Variants in FKTN observed in about 807,000 individuals in gnomAD.
FKTN encodes the protein ribitol-5-phosphate transferase FKTN.
In FKTN, 47 loss-of-function variants were observed where a neutral mutation model predicts 58.6. That is an observed-to-expected ratio of 0.80 (90% CI 0.63 to 1.02). FKTN has a LOEUF of 1.02. FKTN is among the 50% of genes least tolerant of loss of function. The pLI, the probability that FKTN is intolerant of heterozygous loss-of-function variation, is 0.00. For missense variants in FKTN, 516 were observed against 537.3 expected (o/e 0.96, Z 0.39); for synonymous variants, 178 against 191.9 (o/e 0.93, Z 0.60).
chr9:105,569,808 A>G (rs1301679446), intron 1 of FKTN, among the ~76,000 whole-genome samples: 1 of 152,150 alleles, frequency 6.6e-6, no homozygotes, highest in African/African-American at 2.4e-5. Context: ...TTTTTCCCTG[A>G]AAACATTTGT....
chr9:105,581,863 C>T lies in FKTN; in HGVS notation c.105+6726C>T, dbSNP rs148263611. Reference sequence around the variant, plus strand: ...CTCCGAGCCAGGTGTGGGATATAGTCTCGTGGTGCACTGTTTTTTAAGCCG... The same window carrying T: ...CTCCGAGCCAGGTGTGGGATATAGTTTCGTGGTGCACTGTTTTTTAAGCCG... On this transcript the variant is annotated intron_variant, in intron 3 of 10. Transcript: ENST00000357998. Among the ~76,000 whole-genome samples, 1,137 of 152,332 alleles carry T rather than the reference C, an allele frequency of 7.5e-3. 6 individuals carry two copies. Among genetic ancestry groups the T allele is most frequent in the Non-Finnish European group, 0.011 (722 of 68,042 alleles).
Position 105,609,692 on chromosome 9 carries a change from G to A in FKTN, c.780+1741G>A, listed in dbSNP as rs141240168. Among the ~76,000 whole-genome samples, 55 of 152,222 alleles carry A rather than the reference G, an allele frequency of 3.6e-4. No homozygotes were observed. In the East Asian group the frequency reaches 8.9e-3, roughly 25 times the overall value. On this transcript the variant is annotated intron_variant, in intron 7 of 10. Coordinates refer to ENST00000357998, the MANE Select transcript of FKTN (RefSeq NM_001079802.2). ...AGTGTCCCTCATTTGGGGTTTGTCC[G>A]GGGGTTCCTCATGTTAGATTTAGGT...
chr9:105,570,452 A>G (rs1264570179), intron 1 of FKTN, among the ~76,000 whole-genome samples: 5 of 152,078 alleles, frequency 3.3e-5, no homozygotes, highest in South Asian at 2.1e-4. Context: ...TATTGCCTCT[A>G]TATTTATCTC....
At chr9:105,593,338 C>G (rs868047256) in intron 3 of FKTN, among the ~76,000 whole-genome samples, 1 of 152,120 alleles carries the variant, frequency 6.6e-6, no homozygotes, top group Non-Finnish European at 1.5e-5. Context: ...AAATCCGTCA[C>G]GAGAAACTGT....
intron 7 of FKTN, among the ~76,000 whole-genome samples, chr9:105,612,657 G>C (rs1311528174): frequency 1.3e-5 from 2 of 152,172 alleles, no homozygotes; most frequent in Non-Finnish European, 2.9e-5. Context: ...CACATACAAG[G>C]ATCAGTTCTG....
intron 8 of FKTN, among the ~76,000 whole-genome samples, chr9:105,616,436 A>ACTGTTCAT (rs1830831199): frequency 6.6e-6 from 1 of 152,176 alleles, no homozygotes; most frequent in Non-Finnish European, 1.5e-5. Flanking sequence ...ACTAGACATC[A>ACTGTTCAT]CTGTTCATCT....
intron 3 of FKTN, among the ~76,000 whole-genome samples, chr9:105,584,162 A>C (rs80124133): frequency 9.9e-5 from 15 of 152,194 alleles, no homozygotes; most frequent in Non-Finnish European, 5.9e-5. Context: ...GTACCACCTC[A>C]TAGACTTGTG....
intron 1 of FKTN, among the ~76,000 whole-genome samples, chr9:105,567,403 T>C (rs1839861353): frequency 6.6e-6 from 1 of 152,160 alleles, no homozygotes; most frequent in African/African-American, 2.4e-5. Flanking sequence ...AAAACCCCAT[T>C]GTCTCAGCCC....
intron 3 of FKTN, among the ~76,000 whole-genome samples, chr9:105,588,275 T>C (rs1206406531): frequency 6.6e-6 from 1 of 152,258 alleles, no homozygotes; most frequent in African/African-American, 2.4e-5. Context: ...CCAGTTGTTG[T>C]TGGCATCTGA....
At chr9:105,611,001 A>G (rs1249622375) in intron 7 of FKTN, among the ~76,000 whole-genome samples, 1 of 151,972 alleles carries the variant, frequency 6.6e-6, no homozygotes, top group East Asian at 1.9e-4. Context: ...AATATCAGTG[A>G]AAAACCAAAA....
intron 10 of FKTN, among the ~76,000 whole-genome samples, chr9:105,629,841 C>A (rs936235786): frequency 2.8e-4 from 42 of 152,120 alleles, no homozygotes; most frequent in African/African-American, 1.0e-3. Flanking sequence ...GGCACATATA[C>A]ACCATGGAAT....
chr9:105,603,527 G>T (rs1220700857), intron 5 of FKTN, among the ~76,000 whole-genome samples: 2 of 152,070 alleles, frequency 1.3e-5, no homozygotes, highest in Non-Finnish European at 2.9e-5. Flanking sequence ...TGAAGATAAA[G>T]GTTATTAAAA....
At chr9:105,597,320 G>A (rs1184991767) in intron 4 of FKTN, among the ~76,000 whole-genome samples, 2 of 152,112 alleles carry the variant, frequency 1.3e-5, no homozygotes, top group African/African-American at 4.8e-5. Flanking sequence ...TAAATTAGAA[G>A]TGGATTTTCA....
chr9:105,635,982 T>C lies in FKTN; in HGVS notation c.*718T>C, dbSNP rs1234736443. ...TGTTTAATGCTTAAATTTCCATCCA[T>C]TGTGAGAATATTTTCACTGACCTCT... On this transcript the variant is annotated 3_prime_UTR_variant, in exon 11 of 11. Transcript: ENST00000357998. 1.5e-5 allele frequency: 15 copies of C among 985,588 alleles called. No homozygotes were observed. The highest frequency in any genetic ancestry group is 1.8e-5 in the Non-Finnish European group (15 of 830,102). The allele number at this position is 985,588 out of a possible 1,614,324, so 61.1% of individuals were successfully genotyped here. A position where few individuals can be genotyped will look rare whatever the true frequency, so the allele number is the denominator to read the frequency against.
At chr9:105,583,095 C>A (rs942377666) in intron 3 of FKTN, among the ~76,000 whole-genome samples, 8 of 152,130 alleles carry the variant, frequency 5.3e-5, no homozygotes, top group African/African-American at 1.9e-4. Context: ...TGTTATTTAG[C>A]TTTTCTAGCC....
At chr9:105,625,064 G>A (rs950498528) in intron 10 of FKTN, among the ~76,000 whole-genome samples, 3 of 152,108 alleles carry the variant, frequency 2.0e-5, no homozygotes, top group Non-Finnish European at 2.9e-5. Context: ...TCTAAATTAG[G>A]CAGGCAGAGC....
chr9:105,620,490 A>G (rs1831680527), intron 10 of FKTN, among the ~76,000 whole-genome samples: 1 of 152,160 alleles, frequency 6.6e-6, no homozygotes, highest in South Asian at 2.1e-4. Context: ...CGTTTTACAT[A>G]TATTAACCCA....
At chr9:105,565,499 C>T (rs1209797240) in intron 1 of FKTN, among the ~76,000 whole-genome samples, 1 of 152,038 alleles carries the variant, frequency 6.6e-6, no homozygotes, top group Admixed American at 6.5e-5. Context: ...GGTTGCAATC[C>T]TAGTCTCTGA....
chr9:105,607,780 C>A, intron 6 of FKTN, 39 bp from the exon 7 acceptor site: 1 of 1,528,322 alleles, frequency 6.5e-7, no homozygotes, highest in Non-Finnish European at 9.1e-7. Context: ...TCCCTGTTTC[C>A]CCCACCCCTC....
Sources: allele counts gnomAD v4.1 joint callset (sites outside exome capture counted in the v4.1 genomes callset), GRCh38; gene constraint gnomAD v4.1.1; transcripts MANE v1.5; gene names NCBI Gene and HGNC (gene_info 2026-07-23, HGNC 2026-07-21).